The following DLG2 variants were observed in gnomAD, a reference collection of about 807,000 sequenced individuals.
The protein encoded by DLG2 is disks large homolog 2.
DLG2 carries 45 observed loss-of-function variants against 132.5 expected under a neutral mutation model. The observed-to-expected ratio is 0.34, with a 90% confidence interval of 0.27 to 0.44. The LOEUF (loss-of-function observed/expected upper bound fraction) is 0.44. DLG2 is among the 20% of genes least tolerant of loss of function. The probability of loss-of-function intolerance (pLI) is 1.00; values close to 1 mark genes in which losing one functional copy is unlikely to be tolerated. For synonymous variants in DLG2, 424 were observed against 419.6 expected, an observed-to-expected ratio of 1.01 and a Z score of -0.13; for missense variants, 1,045 against 1,196.9, an observed-to-expected ratio of 0.87 and a Z score of 1.87.
chr11:84,908,181 T>C (rs1320034752), intron 6 of DLG2, among the ~76,000 whole-genome samples: 1 of 152,152 alleles, frequency 6.6e-6, no homozygotes, highest in Non-Finnish European at 1.5e-5. Flanking sequence ...TTTTAAATTT[T>C]CTAGTAGCCA....
At chr11:85,479,384 A>G (rs925592417) in intron 3 of DLG2, among the ~76,000 whole-genome samples, 1 of 152,224 alleles carries the variant, frequency 6.6e-6, no homozygotes, top group African/African-American at 2.4e-5. Flanking sequence ...TAAAGGCACA[A>G]ATCTCATTCA....
intron 6 of DLG2, among the ~76,000 whole-genome samples, chr11:84,694,526 T>C (rs1216440759): frequency 1.3e-5 from 2 of 151,560 alleles, no homozygotes; most frequent in African/African-American, 4.8e-5. Context: ...ATTGGTAAAC[T>C]AAGGCATAGT....
intron 3 of DLG2, among the ~76,000 whole-genome samples, chr11:85,574,686 A>G (rs144671481): frequency 6.6e-4 from 101 of 152,040 alleles, no homozygotes; most frequent in African/African-American, 2.3e-3. Flanking sequence ...AGAGTCTGGG[A>G]CCCACCCCTC....
chr11:83,802,692 A>T (rs2044771588), intron 17 of DLG2, among the ~76,000 whole-genome samples: 1 of 152,196 alleles, frequency 6.6e-6, no homozygotes, highest in South Asian at 2.1e-4. Flanking sequence ...AAGCAACAGC[A>T]TACATGTCTA....
At chr11:85,223,370 A>G (rs962031091) in intron 4 of DLG2, among the ~76,000 whole-genome samples, 1 of 152,170 alleles carries the variant, frequency 6.6e-6, no homozygotes, top group Non-Finnish European at 1.5e-5. Flanking sequence ...ATGGTGGCTT[A>G]CACCTGTAAA....
chr11:85,512,235 G>C (rs1386865219), intron 3 of DLG2, among the ~76,000 whole-genome samples: 2 of 152,000 alleles, frequency 1.3e-5, no homozygotes, highest in Admixed American at 1.3e-4. Context: ...CTCCAACCTG[G>C]TGCAAAGCAA....
chr11:84,102,478 G>C (rs531640162), intron 9 of DLG2, among the ~76,000 whole-genome samples: 2 of 152,144 alleles, frequency 1.3e-5, no homozygotes, highest in Non-Finnish European at 2.9e-5. Flanking sequence ...AAGCCATTTT[G>C]CTCTGTGTCA....
intron 5 of DLG2, among the ~76,000 whole-genome samples, chr11:85,139,281 G>C (rs2076311868): frequency 6.6e-6 from 1 of 152,064 alleles, no homozygotes; most frequent in Non-Finnish European, 1.5e-5. Context: ...CATAACAGAT[G>C]CTAAACAGAG....
intron 6 of DLG2, among the ~76,000 whole-genome samples, chr11:85,104,898 A>C (rs949829866): frequency 3.8e-5 from 5 of 130,208 alleles, no homozygotes; most frequent in African/African-American, 1.2e-4. Context: ...AAAAAAAAAA[A>C]AACAGAGAGA....
chr11:85,369,226 C>G (rs1414063754), intron 3 of DLG2, among the ~76,000 whole-genome samples: 3 of 152,094 alleles, frequency 2.0e-5, no homozygotes, highest in Non-Finnish European at 4.4e-5. Flanking sequence ...CCCCTCCCCT[C>G]TGTGTGGAGG....
chr11:83,776,980 T>C (rs111743499), intron 18 of DLG2, among the ~76,000 whole-genome samples: 3 of 152,326 alleles, frequency 2.0e-5, no homozygotes, highest in African/African-American at 7.2e-5. Context: ...ATTCACTTTG[T>C]ATAATTCGTT....
intron 15 of DLG2, among the ~76,000 whole-genome samples, chr11:83,875,481 G>A (rs1379754766): frequency 6.6e-6 from 1 of 152,052 alleles, no homozygotes; most frequent in Non-Finnish European, 1.5e-5. Context: ...TGATTCTAGA[G>A]TCATTTTAAA....
At chr11:83,736,664 A>C (rs111271301) in intron 18 of DLG2, among the ~76,000 whole-genome samples, 10 of 152,312 alleles carry the variant, frequency 6.6e-5, no homozygotes, top group African/African-American at 1.9e-4. Flanking sequence ...TTTTAATTTC[A>C]TCTATTTTTG....
intron 3 of DLG2, among the ~76,000 whole-genome samples, chr11:85,375,609 T>G (rs2085343586): frequency 6.6e-6 from 1 of 152,222 alleles, no homozygotes; most frequent in Non-Finnish European, 1.5e-5. Context: ...TAGTTTTATT[T>G]TTTCAGTATT....
At position 85,447,732 on chromosome 11, in the gene DLG2, T is replaced by C. The variant is rs73491957; in HGVS notation, c.40+150925A>G. On this transcript the variant is annotated intron_variant, in intron 3 of 27. Coordinates refer to ENST00000376104, the MANE Select transcript of DLG2 (RefSeq NM_001142699.3). ...TTACCCTAAACATTAAAGTAAAAAT[T>C]TGAAGCTTAAAATTTCTGAAAAAAA... Among the ~76,000 whole-genome samples the C allele has an allele frequency of 9.2e-3, 1,403 of 152,224 alleles. 20 individuals carry two copies. Among genetic ancestry groups the C allele is most frequent in the African/African-American group, 0.032 (1,321 of 41,530 alleles).
intron 7 of DLG2, among the ~76,000 whole-genome samples, chr11:84,404,889 A>G (rs904725322): frequency 6.6e-6 from 1 of 152,222 alleles, no homozygotes; most frequent in Admixed American, 6.5e-5. Context: ...GATAGGAAAA[A>G]TAACCTAATG....
intron 19 of DLG2, among the ~76,000 whole-genome samples, chr11:83,597,445 T>C (rs1594161041): frequency 6.6e-6 from 1 of 152,282 alleles, no homozygotes; most frequent in African/African-American, 2.4e-5. Flanking sequence ...CCCAGTACTT[T>C]GGGAGGCCGA....
chr11:85,148,137 G>T (rs183279469), intron 5 of DLG2, among the ~76,000 whole-genome samples: 3 of 151,926 alleles, frequency 2.0e-5, no homozygotes, highest in Non-Finnish European at 4.4e-5. Context: ...CCACATTTTC[G>T]TTATCCAGTC....
chr11:84,733,862 C>T (rs1329241961), intron 6 of DLG2, among the ~76,000 whole-genome samples: 3 of 152,182 alleles, frequency 2.0e-5, no homozygotes. Flanking sequence ...ATATGGCTAG[C>T]CAGTTGTCCC....
Sources: gnomAD v4.1 joint callset for allele counts (sites outside exome capture counted in the v4.1 genomes callset) on GRCh38, gnomAD v4.1.1 for gene constraint, MANE v1.5 for transcripts, NCBI Gene and HGNC (gene_info 2026-07-23, HGNC 2026-07-21) for gene names.